The following CCBE1 variants were observed in gnomAD, a reference collection of about 807,000 sequenced individuals.
CCBE1 encodes the protein collagen and calcium binding EGF domains 1.
CCBE1 carries 37 observed loss-of-function variants against 50.0 expected under a neutral mutation model. The ratio of observed to expected loss-of-function variants is 0.74; its 90% CI spans 0.57 to 0.97. The LOEUF (loss-of-function observed/expected upper bound fraction) is 0.97. Among genes scored for constraint, CCBE1 ranks in the 50% least tolerant of loss-of-function variants. The pLI is 0.00. For missense variants in CCBE1, 538 were observed against 523.8 expected (o/e 1.03, Z -0.26); for synonymous variants, 234 against 203.7 (o/e 1.15, Z -1.27).
At chr18:59,626,216 T>G (rs2053782685) in intron 2 of CCBE1, among the ~76,000 whole-genome samples, 1 of 152,214 alleles carries the variant, frequency 6.6e-6, no homozygotes, top group South Asian at 2.1e-4. Flanking sequence ...GGAATTGGTT[T>G]TGTAAATAAA....
At chr18:59,604,570 T>G (rs11661117) in intron 2 of CCBE1, among the ~76,000 whole-genome samples, 53,444 of 152,036 alleles carry the variant, frequency 0.35, 9,882 homozygotes, top group East Asian at 0.61. Flanking sequence ...GTCACCTGTA[T>G]TTAAAAGGAG....
chr18:59,466,980 T>A (rs1312869749), intron 4 of CCBE1, 89 bp from the exon 5 acceptor site: 2 of 1,206,412 alleles, frequency 1.7e-6, no homozygotes, highest in Admixed American at 3.4e-5. Flanking sequence ...TCTCTGTTAA[T>A]AACAATGAAG....
intron 2 of CCBE1, among the ~76,000 whole-genome samples, chr18:59,657,957 C>T (rs1210094080): frequency 1.3e-5 from 2 of 151,972 alleles, no homozygotes; most frequent in Non-Finnish European, 2.9e-5. Context: ...AAGGAGGCCA[C>T]ATTATAGCCA....
chr18:59,464,162 G>T (rs1336915096), intron 5 of CCBE1: 1 of 152,270 alleles, frequency 6.6e-6, no homozygotes, highest in African/African-American at 2.4e-5. Context: ...TCAGGGCATG[G>T]TGGCTCATGC....
chr18:59,442,779 C>T (rs2143631328), intron 7 of CCBE1, among the ~76,000 whole-genome samples: 1 of 152,164 alleles, frequency 6.6e-6, no homozygotes, highest in East Asian at 1.9e-4. Flanking sequence ...ATATAAAAAT[C>T]TGGGTTCCTG....
chr18:59,631,103 G>T (rs764744740), intron 2 of CCBE1, among the ~76,000 whole-genome samples: 1 of 152,008 alleles, frequency 6.6e-6, no homozygotes, highest in African/African-American at 2.4e-5. Flanking sequence ...CCATGACCTA[G>T]ATGTGGCCAA....
chr18:59,692,229 G>A (rs114823636), intron 2 of CCBE1, among the ~76,000 whole-genome samples: 76 of 152,312 alleles, frequency 5.0e-4, no homozygotes, highest in African/African-American at 1.7e-3. Flanking sequence ...TAGTGATGAC[G>A]ATGGGAGGTA....
chr18:59,496,212 G>C (rs1001923402), intron 2 of CCBE1, among the ~76,000 whole-genome samples: 4 of 152,162 alleles, frequency 2.6e-5, no homozygotes, highest in Non-Finnish European at 5.9e-5. Context: ...AGGCTATACA[G>C]ATGTCTACCA....
chr18:59,517,600 C>T (rs1158225673), intron 2 of CCBE1, among the ~76,000 whole-genome samples: 1 of 152,200 alleles, frequency 6.6e-6, no homozygotes, highest in Admixed American at 6.5e-5. Context: ...ATATGGAAGC[C>T]ACATTTTAAG....
chr18:59,448,947 G>T (rs1055364446), intron 6 of CCBE1, among the ~76,000 whole-genome samples: 5 of 152,174 alleles, frequency 3.3e-5, no homozygotes, highest in African/African-American at 7.2e-5. Context: ...CTGCAGGTGG[G>T]TACCTGTGGC....
At chr18:59,444,521 G>A (rs902479994) in intron 7 of CCBE1, among the ~76,000 whole-genome samples, 21 of 151,592 alleles carry the variant, frequency 1.4e-4, no homozygotes, top group Non-Finnish European at 3.1e-4. Flanking sequence ...TTATTTTCTC[G>A]GTGGTTTTTT....
intron 2 of CCBE1, among the ~76,000 whole-genome samples, chr18:59,563,319 T>A (rs554982396): frequency 6.6e-6 from 1 of 152,368 alleles, no homozygotes; most frequent in South Asian, 2.1e-4. Flanking sequence ...TTTTTCTTGA[T>A]TTTTTAAAAT....
At chr18:59,545,453 C>G (rs1342816479) in intron 2 of CCBE1, among the ~76,000 whole-genome samples, 2 of 152,144 alleles carry the variant, frequency 1.3e-5, no homozygotes, top group Admixed American at 6.5e-5. Flanking sequence ...TTATTCCACT[C>G]AAAATATTTG....
intron 2 of CCBE1, among the ~76,000 whole-genome samples, chr18:59,492,985 TG>T (rs1913181035): frequency 6.6e-6 from 1 of 152,200 alleles, no homozygotes; most frequent in African/African-American, 2.4e-5. Flanking sequence ...CACCACACTG[TG>T]GGCAGTTCCA....
chr18:59,516,219 A>T (rs530979675), intron 2 of CCBE1, among the ~76,000 whole-genome samples: 6 of 150,614 alleles, frequency 4.0e-5, no homozygotes, highest in Non-Finnish European at 8.9e-5. Context: ...TCAGCCTCCC[A>T]AAGTGCTGGG....
At chr18:59,532,044 G>A (rs530719853) in intron 2 of CCBE1, among the ~76,000 whole-genome samples, 116 of 152,174 alleles carry the variant, frequency 7.6e-4, no homozygotes, top group Non-Finnish European at 1.4e-3. Flanking sequence ...ACTCATGACC[G>A]TCTATGTATC....
At chr18:59,659,979 C>T (rs942137857) in intron 2 of CCBE1, among the ~76,000 whole-genome samples, 1 of 152,170 alleles carries the variant, frequency 6.6e-6, no homozygotes, top group African/African-American at 2.4e-5. Flanking sequence ...TGTCTAGCTG[C>T]GTCCCTAAAG....
intron 2 of CCBE1, among the ~76,000 whole-genome samples, chr18:59,635,095 G>C (rs1226719504): frequency 6.6e-6 from 1 of 152,198 alleles, no homozygotes; most frequent in African/African-American, 2.4e-5. Flanking sequence ...GTAAAAAGTA[G>C]AGACAGCAAA....
At chr18:59,548,166 G>A (rs1014998460) in intron 2 of CCBE1, among the ~76,000 whole-genome samples, 12 of 152,278 alleles carry the variant, frequency 7.9e-5, no homozygotes, top group South Asian at 4.2e-4. Flanking sequence ...ACTGAGGTCC[G>A]AGATCATATC....
Sources: gnomAD v4.1 joint callset for allele counts (sites outside exome capture counted in the v4.1 genomes callset) on GRCh38, gnomAD v4.1.1 for gene constraint, MANE v1.5 for transcripts, NCBI Gene and HGNC (gene_info 2026-07-23, HGNC 2026-07-21) for gene names.